LRP1B: variants seen among roughly 807,000 people sequenced by gnomAD.
The protein encoded by LRP1B is low-density lipoprotein receptor-related protein 1B.
LRP1B carries 217 observed loss-of-function variants against 556.6 expected under a neutral mutation model. The ratio of observed to expected loss-of-function variants is 0.39; its 90% confidence interval spans 0.35 to 0.44. The LOEUF (loss-of-function observed/expected upper bound fraction) is 0.44, where lower values mean the gene tolerates loss of function less well. Among genes scored for constraint, LRP1B ranks in the 20% least tolerant of loss-of-function variants. The pLI is 1.00. For missense variants in LRP1B, 5,053 were observed against 5,620.8 expected, an observed-to-expected ratio of 0.90 and a Z score of 3.23; for synonymous variants, 2,047 against 1,865.8, an observed-to-expected ratio of 1.10 and a Z score of -2.50.
At chr2:140,824,900 A>G (rs1691452017) in intron 31 of LRP1B, among the ~76,000 whole-genome samples, 1 of 152,124 alleles carries the variant, frequency 6.6e-6, no homozygotes. Flanking sequence ...AACAGTATTC[A>G]CTCAACAAAT....
chr2:141,269,244 A>G (rs1012629434), intron 3 of LRP1B, among the ~76,000 whole-genome samples: 2 of 152,206 alleles, frequency 1.3e-5, no homozygotes, highest in African/African-American at 4.8e-5. Flanking sequence ...AGAAATAGCA[A>G]GGTAAAATTC....
chr2:141,413,011 A>G (rs1364165844), intron 3 of LRP1B, among the ~76,000 whole-genome samples: 1 of 152,140 alleles, frequency 6.6e-6, no homozygotes, highest in Non-Finnish European at 1.5e-5. Flanking sequence ...GGGAAGACTT[A>G]AGGCTAGGAG....
chr2:141,741,263 C>CTTTT lies in LRP1B; in HGVS notation c.205+69012_205+69015dup, dbSNP rs11326947. 3.1e-3 allele frequency among the ~76,000 whole-genome samples: 179 copies of CTTTT among 58,002 alleles called. 5 individuals carry two copies. Among genetic ancestry groups the CTTTT allele is most frequent in the African/African-American group, 3.9e-3 (53 of 13,522 alleles). 38.1% of individuals were successfully genotyped at this position (58,002 alleles called of 152,430 possible). A position where few individuals can be genotyped will look rare whatever the true frequency, so the allele number is the denominator to read the frequency against. ...GTTATCTCTTCAGTATACTGATTTC[C>CTTTT]TTTTTTTTTTTTTTTTTTTTTTTTT... is the stretch of plus-strand genomic sequence containing the variant. On this transcript the variant is annotated intron_variant, in intron 2 of 90. Coordinates refer to ENST00000389484, the MANE Select transcript of LRP1B (RefSeq NM_018557.3).
chr2:140,684,626 T>G (rs1685983156), intron 41 of LRP1B, among the ~76,000 whole-genome samples: 1 of 152,222 alleles, frequency 6.6e-6, no homozygotes, highest in South Asian at 2.1e-4. Flanking sequence ...CTACACATAC[T>G]CATATACATT....
chr2:141,511,015 C>T (rs1307238720), intron 2 of LRP1B, among the ~76,000 whole-genome samples: 2 of 151,892 alleles, frequency 1.3e-5, no homozygotes, highest in African/African-American at 4.8e-5. Context: ...GTTAATGATT[C>T]AATGATCTGT....
At chr2:140,622,634 T>G (rs905614738) in intron 41 of LRP1B, among the ~76,000 whole-genome samples, 1 of 152,182 alleles carries the variant, frequency 6.6e-6, no homozygotes, top group Non-Finnish European at 1.5e-5. Flanking sequence ...TAATTAATTT[T>G]TTACCCTTCC....
At chr2:141,351,067 A>G (rs1414874874) in intron 3 of LRP1B, among the ~76,000 whole-genome samples, 1 of 152,012 alleles carries the variant, frequency 6.6e-6, no homozygotes, top group East Asian at 1.9e-4. Context: ...TTTGAGATCC[A>G]TTTTTATGGC....
intron 84 of LRP1B, among the ~76,000 whole-genome samples, chr2:140,296,661 G>A (rs1485763875): frequency 2.0e-5 from 3 of 152,070 alleles, no homozygotes; most frequent in Non-Finnish European, 4.4e-5. Context: ...ACAGGCTAGA[G>A]GAATGAAAAT....
At chr2:140,632,156 T>A (rs1366705661) in intron 41 of LRP1B, among the ~76,000 whole-genome samples, 1 of 152,180 alleles carries the variant, frequency 6.6e-6, no homozygotes, top group East Asian at 1.9e-4. Flanking sequence ...GAAGAAGTCC[T>A]TCAGGGAGAA....
At chr2:141,431,163 A>AAATAAATAAATAAATG (rs1390298793) in intron 3 of LRP1B, among the ~76,000 whole-genome samples, 1 of 151,900 alleles carries the variant, frequency 6.6e-6, no homozygotes, top group African/African-American at 2.4e-5. Flanking sequence ...ATAAATAAAT[A>AAATAAATAAATAAATG]AATGAAATAG....
At chr2:141,496,810 G>A (rs892372081) in intron 2 of LRP1B, among the ~76,000 whole-genome samples, 10 of 151,884 alleles carry the variant, frequency 6.6e-5, no homozygotes, top group East Asian at 1.9e-4. Context: ...AGAAGAACCA[G>A]ATATAAAATG....
chr2:141,826,354 G>GTTTTTTTTTTT (rs70994454), intron 1 of LRP1B, among the ~76,000 whole-genome samples: 2 of 97,074 alleles, frequency 2.1e-5, no homozygotes, highest in African/African-American at 3.8e-5. Flanking sequence ...CTTTTCAGAA[G>GTTTTTTTTTTT]TTTTTTTTTT....
intron 6 of LRP1B, among the ~76,000 whole-genome samples, chr2:141,199,889 A>G (rs975443731): frequency 2.0e-5 from 3 of 152,028 alleles, no homozygotes; most frequent in South Asian, 2.1e-4. Flanking sequence ...TCTCACATCA[A>G]TCAGAATGAC....
At chr2:141,745,859 C>T (rs1051305484) in intron 2 of LRP1B, among the ~76,000 whole-genome samples, 3 of 151,834 alleles carry the variant, frequency 2.0e-5, no homozygotes, top group African/African-American at 7.3e-5. Flanking sequence ...GATATTGCTG[C>T]TGGTTATTCA....
At chr2:140,956,632 G>A (rs544199521) in intron 18 of LRP1B, among the ~76,000 whole-genome samples, 20 of 151,880 alleles carry the variant, frequency 1.3e-4, no homozygotes, top group African/African-American at 4.8e-4. Context: ...ATCCAATAGA[G>A]TAAATGCATT....
At chr2:141,644,009 AG>A (rs1689450260) in intron 2 of LRP1B, among the ~76,000 whole-genome samples, 1 of 26,074 alleles carries the variant, frequency 3.8e-5, no homozygotes, top group Non-Finnish European at 1.3e-4. Context: ...GAATGTGGAG[AG>A]TGTGTGTGTG....
intron 32 of LRP1B, among the ~76,000 whole-genome samples, chr2:140,794,367 G>A (rs1120488): frequency 0.44 from 66,965 of 151,624 alleles, 16,521 homozygotes; most frequent in East Asian, 0.66. Context: ...TCTCATAAAC[G>A]GAATTCTTCA....
At chr2:142,024,181 A>T (rs1292935956) in intron 1 of LRP1B, among the ~76,000 whole-genome samples, 1 of 152,206 alleles carries the variant, frequency 6.6e-6, no homozygotes, top group Non-Finnish European at 1.5e-5. Flanking sequence ...GTGTACGAGG[A>T]AGTAATTAAT....
intron 3 of LRP1B, among the ~76,000 whole-genome samples, chr2:141,306,109 G>A (rs1286134257): frequency 6.6e-6 from 1 of 151,954 alleles, no homozygotes; most frequent in Non-Finnish European, 1.5e-5. Flanking sequence ...CGAAAAATAA[G>A]TTATGGAAAA....
Sources: gnomAD v4.1 joint callset for allele counts (sites outside exome capture counted in the v4.1 genomes callset) on GRCh38, gnomAD v4.1.1 for gene constraint, MANE v1.5 for transcripts, NCBI Gene and HGNC (gene_info 2026-07-23, HGNC 2026-07-21) for gene names.